RABGAP1L: variants seen among roughly 807,000 people sequenced by gnomAD.
RABGAP1L encodes the protein rab GTPase-activating protein 1-like.
A neutral mutation model predicts 137.7 loss-of-function variants in RABGAP1L; 63 were observed. That is an observed-to-expected ratio of 0.46 (90% CI 0.37 to 0.56). The LOEUF (loss-of-function observed/expected upper bound fraction) is 0.56. RABGAP1L is among the 20% of genes least tolerant of loss of function. The pLI is 0.00. For synonymous variants in RABGAP1L, 431 were observed against 433.7 expected (o/e 0.99, Z 0.08); for missense variants, 1,095 against 1,244.0 (o/e 0.88, Z 1.80).
At chr1:174,787,363 A>G (rs928081629) in intron 18 of RABGAP1L, among the ~76,000 whole-genome samples, 14 of 149,410 alleles carry the variant, frequency 9.4e-5, no homozygotes, top group African/African-American at 3.0e-4. Flanking sequence ...ACATTGCACC[A>G]TTGCACTCTG....
intron 14 of RABGAP1L, among the ~76,000 whole-genome samples, chr1:174,639,792 T>C (rs1290559090): frequency 6.6e-6 from 1 of 152,170 alleles, no homozygotes; most frequent in Non-Finnish European, 1.5e-5. Flanking sequence ...GATTGGCACT[T>C]TTAAATAGTT....
intron 25 of RABGAP1L, 102 bp downstream of exon 25, chr1:174,988,940 T>C: frequency 9.4e-7 from 1 of 1,066,902 alleles, no homozygotes; most frequent in South Asian, 2.4e-5. Flanking sequence ...AATTGTATGA[T>C]GAATACATTT....
intron 19 of RABGAP1L, among the ~76,000 whole-genome samples, chr1:174,864,966 A>G (rs370217435): frequency 3.3e-5 from 5 of 151,958 alleles, no homozygotes; most frequent in African/African-American, 1.2e-4. Context: ...AACCTACAAA[A>G]ATTAGCTGGA....
At chr1:174,866,967 A>G (rs1021381525) in intron 19 of RABGAP1L, among the ~76,000 whole-genome samples, 1 of 151,920 alleles carries the variant, frequency 6.6e-6, no homozygotes, top group African/African-American at 2.4e-5. Context: ...TGGCGCTTGT[A>G]GTCCCAATTA....
chr1:174,709,091 A>T (rs1680278396), intron 17 of RABGAP1L, among the ~76,000 whole-genome samples: 1 of 152,218 alleles, frequency 6.6e-6, no homozygotes, highest in South Asian at 2.1e-4. Flanking sequence ...ACCGCAGTGC[A>T]GCAAAGCTGC....
At chr1:174,642,099 T>C (rs1310169756) in intron 14 of RABGAP1L, among the ~76,000 whole-genome samples, 1 of 152,166 alleles carries the variant, frequency 6.6e-6, no homozygotes, top group Admixed American at 6.6e-5. Flanking sequence ...TAAAGTGATA[T>C]TTGATGTACA....
chr1:174,942,217 A>G (rs934351953), intron 19 of RABGAP1L, among the ~76,000 whole-genome samples: 6 of 152,200 alleles, frequency 3.9e-5, no homozygotes, highest in African/African-American at 4.8e-5. Flanking sequence ...AGTGCTGTCT[A>G]TGTTGTCTTC....
intron 1 of RABGAP1L, among the ~76,000 whole-genome samples, chr1:174,178,361 T>G (rs1052273454): frequency 6.6e-6 from 1 of 151,990 alleles, no homozygotes; most frequent in Non-Finnish European, 1.5e-5. Flanking sequence ...GCTTAAGGAG[T>G]TTTTGGGCTG....
intron 18 of RABGAP1L, among the ~76,000 whole-genome samples, chr1:174,781,757 A>C (rs1687028721): frequency 1.3e-5 from 2 of 152,174 alleles, no homozygotes; most frequent in South Asian, 4.1e-4. Context: ...GGTATAAGGA[A>C]GGGATCCAGT....
At chr1:174,459,114 T>A (rs1319897081) in intron 13 of RABGAP1L, among the ~76,000 whole-genome samples, 1 of 152,126 alleles carries the variant, frequency 6.6e-6, no homozygotes. Context: ...ATGTTTTTTG[T>A]CATTGTCAAC....
chr1:174,358,710 C>T (rs1206577345), intron 11 of RABGAP1L, among the ~76,000 whole-genome samples: 2 of 152,100 alleles, frequency 1.3e-5, no homozygotes, highest in Non-Finnish European at 2.9e-5. Context: ...TGCCTTTTAC[C>T]CATGTCTGCA....
chr1:174,442,324 T>C (rs966626900), intron 13 of RABGAP1L, among the ~76,000 whole-genome samples: 2 of 152,178 alleles, frequency 1.3e-5, no homozygotes, highest in African/African-American at 4.8e-5. Flanking sequence ...TAGGACTTTC[T>C]AGCCTTTTGT....
At chr1:174,185,911 A>C (rs888554959) in intron 1 of RABGAP1L, among the ~76,000 whole-genome samples, 1 of 152,194 alleles carries the variant, frequency 6.6e-6, no homozygotes, top group Non-Finnish European at 1.5e-5. Flanking sequence ...TGGGAGGCCA[A>C]GGTGGGCGGA....
intron 11 of RABGAP1L, among the ~76,000 whole-genome samples, chr1:174,349,281 T>C (rs1432246684): frequency 8.9e-6 from 1 of 112,524 alleles, no homozygotes; most frequent in Non-Finnish European, 1.8e-5. Context: ...GCAGAGGGGC[T>C]CCTCACTTCC....
chr1:174,907,098 T>G lies in RABGAP1L; in HGVS notation c.2341-50359T>G, dbSNP rs376733561. Among the ~76,000 whole-genome samples the G allele has an allele frequency of 2.0e-5, 3 of 151,878 alleles. No homozygotes were observed. The South Asian group carries it at 6.2e-4, about 31-fold the overall frequency. On this transcript the variant is annotated intron_variant, in intron 19 of 25. Transcript: ENST00000681986. ...GGTTAAAAAAAAAAAGTTTTCAAGA[T>G]ATAAAACCCACTTGTAAAATTAAGT...
intron 20 of RABGAP1L, among the ~76,000 whole-genome samples, chr1:174,962,882 G>C (rs908630733): frequency 3.3e-5 from 5 of 151,998 alleles, no homozygotes. Flanking sequence ...TGGATCACTT[G>C]AGGTCAGGAG....
intron 11 of RABGAP1L, among the ~76,000 whole-genome samples, chr1:174,354,010 T>C (rs915156264): frequency 2.6e-5 from 4 of 152,226 alleles, no homozygotes; most frequent in Non-Finnish European, 5.9e-5. Flanking sequence ...TCCTTGACTA[T>C]CTGATTTCAT....
intron 13 of RABGAP1L, among the ~76,000 whole-genome samples, chr1:174,455,285 A>G (rs1655920759): frequency 6.6e-6 from 1 of 152,198 alleles, no homozygotes; most frequent in African/African-American, 2.4e-5. Context: ...TCCAAAAAGG[A>G]TATTTTATAC....
intron 18 of RABGAP1L, among the ~76,000 whole-genome samples, chr1:174,794,319 A>G (rs780524709): frequency 1.1e-4 from 17 of 152,170 alleles, no homozygotes; most frequent in Non-Finnish European, 1.8e-4. Flanking sequence ...TCTATTGTGA[A>G]TATATCCAAA....
Sources: gnomAD v4.1 joint callset for allele counts (sites outside exome capture counted in the v4.1 genomes callset) on GRCh38, gnomAD v4.1.1 for gene constraint, MANE v1.5 for transcripts, NCBI Gene and HGNC (gene_info 2026-07-23, HGNC 2026-07-21) for gene names.